Variants in RBFOX1 observed in about 807,000 individuals in gnomAD.
RBFOX1 encodes RNA binding protein fox-1 homolog 1.
In RBFOX1, 8 loss-of-function variants were observed where a neutral mutation model predicts 57.7. The ratio of observed to expected loss-of-function variants is 0.14; its 90% CI spans 0.08 to 0.25. The LOEUF (loss-of-function observed/expected upper bound fraction) is 0.25, where lower values mean the gene tolerates loss of function less well. Among genes scored for constraint, RBFOX1 ranks in the 10% least tolerant of loss-of-function variants. The probability of loss-of-function intolerance (pLI) is 1.00; values close to 1 mark genes in which losing one functional copy is unlikely to be tolerated. For synonymous variants in RBFOX1, 326 were observed against 222.4 expected, an observed-to-expected ratio of 1.47 and a Z score of -4.15; for missense variants, 611 against 548.5, an observed-to-expected ratio of 1.11 and a Z score of -1.14.
intron 4 of RBFOX1, among the ~76,000 whole-genome samples, chr16:7,265,841 A>G (rs1262293316): frequency 6.6e-6 from 1 of 152,130 alleles, no homozygotes; most frequent in Non-Finnish European, 1.5e-5. Flanking sequence ...CTCATGTTGA[A>G]ATATAACTCC....
chr16:7,524,184 A>G (rs2078153117), intron 5 of RBFOX1, among the ~76,000 whole-genome samples: 3 of 152,226 alleles, frequency 2.0e-5, no homozygotes, highest in East Asian at 3.9e-4. Flanking sequence ...AAGAGAAACC[A>G]GCCATCCATC....
chr16:6,844,248 T>A (rs576910961), intron 3 of RBFOX1, among the ~76,000 whole-genome samples: 1 of 152,250 alleles, frequency 6.6e-6, no homozygotes, highest in South Asian at 2.1e-4. Context: ...TACAGATTTG[T>A]TACATAGGTA....
intron 7 of RBFOX1, among the ~76,000 whole-genome samples, chr16:7,594,636 T>C (rs2094599286): frequency 6.6e-6 from 1 of 152,220 alleles, no homozygotes; most frequent in Non-Finnish European, 1.5e-5. Context: ...AAAAGGTATA[T>C]ATGTTATCTA....
chr16:6,411,103 G>C (rs1234537760), intron 2 of RBFOX1, among the ~76,000 whole-genome samples: 3 of 152,138 alleles, frequency 2.0e-5, no homozygotes, highest in African/African-American at 7.2e-5. Context: ...TGGATGTCCC[G>C]CAATCATGGG....
chr16:5,363,914 C>A (rs2065629000), intron 1 of RBFOX1, among the ~76,000 whole-genome samples: 1 of 152,166 alleles, frequency 6.6e-6, no homozygotes, highest in Non-Finnish European at 1.5e-5. Context: ...GCTGACTGAG[C>A]TCTCGCCTGG....
intron 4 of RBFOX1, among the ~76,000 whole-genome samples, chr16:7,223,724 A>AG (rs1226057338): frequency 6.6e-6 from 1 of 151,968 alleles, no homozygotes; most frequent in African/African-American, 2.4e-5. Context: ...AAAAAAAAAA[A>AG]AAAAAAAGAA....
rs184092233 is a variant in RBFOX1 at position 5,417,761 on chromosome 16, C to G, written c.220-49455C>G. ...GTCCAGAGAGGTGACTGTGTCTTCA[C>G]AGACTATTGGGTGTCCCCCTACTAA... On this transcript the variant is annotated intron_variant, in intron 1 of 2. Transcript: ENST00000585867. Among the ~76,000 whole-genome samples, 24 of 152,246 alleles carry G rather than the reference C, an allele frequency of 1.6e-4. 1 individual carries two copies. The highest frequency in any genetic ancestry group is 1.4e-3 in the Admixed American group (21 of 15,290).
intron 5 of RBFOX1, among the ~76,000 whole-genome samples, chr16:7,570,163 CT>C (rs5815410): frequency 0.023 from 3,311 of 142,376 alleles, 105 homozygotes; most frequent in African/African-American, 0.079. Context: ...TAAAATTTTA[CT>C]TTTTTTTTTT....
intron 4 of RBFOX1, among the ~76,000 whole-genome samples, chr16:7,180,274 T>G (rs2082442655): frequency 6.6e-6 from 1 of 152,208 alleles, no homozygotes; most frequent in African/African-American, 2.4e-5. Flanking sequence ...TATGTCCTTA[T>G]GTAATGCTCT....
intron 2 of RBFOX1, among the ~76,000 whole-genome samples, chr16:6,481,464 C>T (rs1056311659): frequency 6.6e-5 from 10 of 152,260 alleles, no homozygotes; most frequent in African/African-American, 2.2e-4. Flanking sequence ...CTTGCTGTCT[C>T]TCCATCGGCC....
intron 4 of RBFOX1, among the ~76,000 whole-genome samples, chr16:7,137,864 A>T (rs1011825669): frequency 6.6e-6 from 1 of 152,144 alleles, no homozygotes; most frequent in Non-Finnish European, 1.5e-5. Flanking sequence ...GCTGATTTTT[A>T]TTGAGCATCT....
intron 3 of RBFOX1, among the ~76,000 whole-genome samples, chr16:5,816,630 C>T (rs1218482923): frequency 1.3e-5 from 2 of 152,020 alleles, no homozygotes; most frequent in Non-Finnish European, 2.9e-5. Flanking sequence ...TAAAAAAATA[C>T]AAAATTAGCC....
chr16:7,133,938 A>C (rs2071210929), intron 4 of RBFOX1, among the ~76,000 whole-genome samples: 2 of 152,232 alleles, frequency 1.3e-5, no homozygotes, highest in African/African-American at 2.4e-5. Context: ...TCTGCTACTT[A>C]ATATGTCAGG....
At chr16:6,954,467 T>C (rs182331356) in intron 3 of RBFOX1, among the ~76,000 whole-genome samples, 1 of 152,150 alleles carries the variant, frequency 6.6e-6, no homozygotes, top group Non-Finnish European at 1.5e-5. Context: ...GGAACAAAAC[T>C]CAGTTTAAAA....
chr16:5,887,435 T>C (rs1251951799), intron 4 of RBFOX1, among the ~76,000 whole-genome samples: 1 of 152,214 alleles, frequency 6.6e-6, no homozygotes, highest in East Asian at 1.9e-4. Flanking sequence ...GTAGTCTCAC[T>C]CTGTTGCCCA....
intron 1 of RBFOX1, among the ~76,000 whole-genome samples, chr16:6,187,934 G>C (rs1014367959): frequency 6.6e-6 from 1 of 152,168 alleles, no homozygotes; most frequent in Non-Finnish European, 1.5e-5. Flanking sequence ...GCATATGTGT[G>C]CACATGAATG....
At chr16:6,514,050 G>A (rs1453752785) in intron 2 of RBFOX1, among the ~76,000 whole-genome samples, 2 of 152,222 alleles carry the variant, frequency 1.3e-5, no homozygotes, top group Admixed American at 1.3e-4. Context: ...GGCATGAACT[G>A]TGTTGCTCTG....
chr16:5,389,889 A>C (rs545545039), intron 1 of RBFOX1, among the ~76,000 whole-genome samples: 51 of 151,826 alleles, frequency 3.4e-4, no homozygotes, highest in African/African-American at 1.1e-3. Context: ...GTAGAGATGG[A>C]GCTTCACCAT....
At chr16:5,549,007 C>T (rs189463403) in intron 2 of RBFOX1, among the ~76,000 whole-genome samples, 2 of 152,330 alleles carry the variant, frequency 1.3e-5, no homozygotes, top group East Asian at 3.9e-4. Context: ...GATGTGGATG[C>T]TGATACAGCT....
Sources: allele counts gnomAD v4.1 joint callset (sites outside exome capture counted in the v4.1 genomes callset), GRCh38; gene constraint gnomAD v4.1.1; transcripts MANE v1.5; gene names NCBI Gene and HGNC (gene_info 2026-07-23, HGNC 2026-07-21).